Variants in ALK observed in about 807,000 individuals in gnomAD.
The protein encoded by ALK is ALK receptor tyrosine kinase.
A neutral mutation model predicts 163.1 loss-of-function variants in ALK; 74 were observed. The observed-to-expected ratio is 0.45, with a 90% CI of 0.38 to 0.55. ALK has a LOEUF of 0.55. Among genes scored for constraint, ALK ranks in the 20% least tolerant of loss-of-function variants. The probability of loss-of-function intolerance (pLI) is 0.00; values close to 1 mark genes in which losing one functional copy is unlikely to be tolerated. For synonymous variants in ALK, 960 were observed against 843.2 expected (o/e 1.14, Z -2.40); for missense variants, 2,063 against 2,105.3 (o/e 0.98, Z 0.39).
intron 3 of ALK, among the ~76,000 whole-genome samples, chr2:29,687,044 G>A (rs779306804): frequency 8.6e-5 from 13 of 151,988 alleles, no homozygotes; most frequent in Non-Finnish European, 1.6e-4. Context: ...CAAAAGACGG[G>A]CAGAGATAGA....
chr2:29,880,236 G>A (rs529919421), intron 1 of ALK, among the ~76,000 whole-genome samples: 88 of 152,278 alleles, frequency 5.8e-4, no homozygotes, highest in African/African-American at 2.0e-3. Flanking sequence ...CCATACCTTT[G>A]TTGCCTATCA....
chr2:29,454,417 A>G (rs1274563039), intron 4 of ALK, among the ~76,000 whole-genome samples: 1 of 152,158 alleles, frequency 6.6e-6, no homozygotes, highest in East Asian at 1.9e-4. Flanking sequence ...CTGTGATGCT[A>G]TATTTTAATT....
At chr2:29,215,047 G>T (rs748725167) in intron 23 of ALK, among the ~76,000 whole-genome samples, 3 of 152,230 alleles carry the variant, frequency 2.0e-5, no homozygotes, top group African/African-American at 7.2e-5. Flanking sequence ...GAAAGCACAC[G>T]CAGGTAGGGG....
Position 29,469,964 on chromosome 2 carries a change from T to C in ALK, c.1154+61951A>G, listed in dbSNP as rs538939223. Reference sequence around the variant, plus strand: ...ACCTTGAAGTCTGATATTGGAGTTATCAAATATAGACTTTAGAATAATTAT... The same window carrying C: ...ACCTTGAAGTCTGATATTGGAGTTACCAAATATAGACTTTAGAATAATTAT... On this transcript the variant is annotated intron_variant, in intron 4 of 28. Coordinates refer to ENST00000389048, the MANE Select transcript of ALK (RefSeq NM_004304.5). 7.2e-5 allele frequency among the ~76,000 whole-genome samples: 11 copies of C among 152,268 alleles called. 1 individual carries two copies. Among genetic ancestry groups the C allele is most frequent in the Admixed American group, 5.9e-4 (9 of 15,294 alleles).
intron 4 of ALK, among the ~76,000 whole-genome samples, chr2:29,396,738 C>T (rs1415608797): frequency 4.6e-5 from 7 of 151,562 alleles, no homozygotes; most frequent in South Asian, 2.1e-4. Context: ...CCAATGGCCT[C>T]GGGACCTGCC....
chr2:29,508,149 C>T (rs142066469), intron 4 of ALK, among the ~76,000 whole-genome samples: 21 of 152,116 alleles, frequency 1.4e-4, no homozygotes, highest in African/African-American at 4.6e-4. Flanking sequence ...GCTTTTCCAC[C>T]GTCACTGATC....
chr2:29,719,833 A>G (rs2541199), intron 1 of ALK, among the ~76,000 whole-genome samples: 131,997 of 152,014 alleles, frequency 0.87, 57,490 homozygotes, highest in African/African-American at 0.92. Flanking sequence ...GGCCCCCACG[A>G]CACAATGGCT....
chr2:29,198,568 A>C (rs1408332142), intron 26 of ALK, among the ~76,000 whole-genome samples: 1 of 152,228 alleles, frequency 6.6e-6, no homozygotes, highest in African/African-American at 2.4e-5. Flanking sequence ...TAACTAGATC[A>C]AAAGACTATG....
intron 4 of ALK, among the ~76,000 whole-genome samples, chr2:29,399,550 C>T (rs902669711): frequency 2.6e-5 from 4 of 152,208 alleles, no homozygotes; most frequent in African/African-American, 4.8e-5. Flanking sequence ...CTAGTGTGTG[C>T]CTGAGCTTGG....
At chr2:29,491,493 G>A (rs543846876) in intron 4 of ALK, among the ~76,000 whole-genome samples, 17 of 152,278 alleles carry the variant, frequency 1.1e-4, no homozygotes, top group African/African-American at 3.6e-4. Context: ...CAGCAGGTAG[G>A]GAAGGGTAAG....
intron 3 of ALK, among the ~76,000 whole-genome samples, chr2:29,602,463 C>A (rs551082900): frequency 1.3e-5 from 2 of 152,154 alleles, no homozygotes. Flanking sequence ...TGGAGTCCCA[C>A]CAGGCCACCT....
chr2:29,599,971 G>A (rs1675337612), intron 3 of ALK, among the ~76,000 whole-genome samples: 1 of 152,136 alleles, frequency 6.6e-6, no homozygotes, highest in African/African-American at 2.4e-5. Context: ...AAGATTGGGG[G>A]TGATGTGATT....
chr2:29,893,842 A>G (rs1667205647), intron 1 of ALK, among the ~76,000 whole-genome samples: 1 of 152,144 alleles, frequency 6.6e-6, no homozygotes, highest in African/African-American at 2.4e-5. Flanking sequence ...GCTGGGTTCA[A>G]ATCCCAGTTC....
chr2:29,696,530 T>TAA (rs60320646), intron 2 of ALK, among the ~76,000 whole-genome samples: 19 of 103,788 alleles, frequency 1.8e-4, no homozygotes, highest in African/African-American at 4.0e-4. Flanking sequence ...CTTAAAGGAT[T>TAA]AAAAAAAAAA....
At chr2:29,395,422 C>T (rs902816518) in intron 4 of ALK, among the ~76,000 whole-genome samples, 1 of 152,122 alleles carries the variant, frequency 6.6e-6, no homozygotes, top group Non-Finnish European at 1.5e-5. Context: ...TAGAGAGGGT[C>T]CCCCACCCAC....
intron 4 of ALK, among the ~76,000 whole-genome samples, chr2:29,499,943 C>A (rs1052007534): frequency 6.6e-6 from 1 of 152,166 alleles, no homozygotes; most frequent in Non-Finnish European, 1.5e-5. Context: ...GAACACTTGT[C>A]CCCATCTCAT....
chr2:29,593,245 G>A (rs1675113117), intron 3 of ALK, among the ~76,000 whole-genome samples: 1 of 152,194 alleles, frequency 6.6e-6, no homozygotes, highest in Non-Finnish European at 1.5e-5. Flanking sequence ...GGGAACAAAG[G>A]ATAAGGATGT....
intron 3 of ALK, among the ~76,000 whole-genome samples, chr2:29,653,831 G>A (rs1161786811): frequency 1.3e-5 from 2 of 152,126 alleles, no homozygotes; most frequent in Non-Finnish European, 2.9e-5. Flanking sequence ...GGAGGCCAAG[G>A]CAGGAGGATC....
intron 6 of ALK, among the ~76,000 whole-genome samples, chr2:29,325,083 C>T (rs955265797): frequency 6.6e-6 from 1 of 152,116 alleles, no homozygotes; most frequent in Admixed American, 6.5e-5. Flanking sequence ...TTGAGGCTGG[C>T]TTTTGGTAGG....
Sources: allele counts gnomAD v4.1 joint callset (sites outside exome capture counted in the v4.1 genomes callset), GRCh38; gene constraint gnomAD v4.1.1; transcripts MANE v1.5; gene names NCBI Gene and HGNC (gene_info 2026-07-23, HGNC 2026-07-21).